The following SPTBN1 variants were observed in gnomAD, a reference collection of about 807,000 sequenced individuals.
SPTBN1 encodes the protein spectrin beta, non-erythrocytic 1.
Under a neutral mutation model 266.4 loss-of-function variants are expected in SPTBN1, and 32 were observed. The observed-to-expected ratio is 0.12, with a 90% CI of 0.09 to 0.16. SPTBN1 has a LOEUF of 0.16. SPTBN1 is among the 10% of genes least tolerant of loss of function. SPTBN1 has a pLI of 1.00. For missense variants in SPTBN1, 2,296 were observed against 3,067.1 expected, an observed-to-expected ratio of 0.75 and a Z score of 5.94; for synonymous variants, 1,336 against 1,162.2, an observed-to-expected ratio of 1.15 and a Z score of -3.04.
At chr2:54,656,122 G>A (rs913476805) in intron 29 of SPTBN1, 124 bp downstream of exon 29, 1 of 758,452 alleles carries the variant, frequency 1.3e-6, no homozygotes, top group Non-Finnish European at 2.1e-6. Flanking sequence ...TGCCTTTTTA[G>A]TGCCCCGTTT....
chr2:54,640,970 C>T (rs1293174826), intron 18 of SPTBN1, among the ~76,000 whole-genome samples: 6 of 152,172 alleles, frequency 3.9e-5, no homozygotes, highest in Admixed American at 3.9e-4. Context: ...TTTTATTTTT[C>T]CAGGAAGGCA....
chr2:54,650,779 A>G (rs114959632), intron 26 of SPTBN1, among the ~76,000 whole-genome samples: 123 of 152,380 alleles, frequency 8.1e-4, no homozygotes, highest in African/African-American at 2.9e-3. Context: ...TAAAGCAGCC[A>G]TAGACAGTGA....
At chr2:54,478,372 G>A (rs1667945091) in intron 1 of SPTBN1, among the ~76,000 whole-genome samples, 1 of 152,142 alleles carries the variant, frequency 6.6e-6, no homozygotes, top group East Asian at 1.9e-4. Context: ...TGGGTCCCCT[G>A]ATGGGCCACC....
chr2:54,485,335 C>T (rs1157286749), intron 1 of SPTBN1, among the ~76,000 whole-genome samples: 1 of 151,944 alleles, frequency 6.6e-6, no homozygotes, highest in East Asian at 1.9e-4. Flanking sequence ...CAATTGCAGG[C>T]ACGCGCCGCC....
chr2:54,653,910 A>C lies in SPTBN1; in HGVS notation c.5822+57A>C. 1.9e-6 allele frequency: 3 copies of C among 1,579,154 alleles called. No individual in the cohort carries two copies. Among genetic ancestry groups the C allele is most frequent in the Admixed American group, 2.1e-5 (1 of 47,910 alleles). ...TATTGGCGCTTGGTTAAAACACAGG[A>C]GTCTTCCAGAGAGAAGCAGGAGCCT... On this transcript the variant is annotated intron_variant, in intron 27 of 35. Transcript: ENST00000356805. The surrounding 1 kb of genome is among the most constrained non-coding windows in gnomAD (Gnocchi z 5.1).
chr2:54,518,454 T>TAAAAA (rs66586310), intron 1 of SPTBN1, among the ~76,000 whole-genome samples: 1 of 143,710 alleles, frequency 7.0e-6, no homozygotes, highest in African/African-American at 2.6e-5. Flanking sequence ...AAAGTATAAT[T>TAAAAA]AAAAAAAAAA....
intron 2 of SPTBN1, among the ~76,000 whole-genome samples, chr2:54,571,617 G>T (rs1674092747): frequency 6.7e-6 from 1 of 150,214 alleles, no homozygotes; most frequent in African/African-American, 2.5e-5. Flanking sequence ...ATAAATAAAG[G>T]GCTTCTGGAA....
Position 54,649,481 on chromosome 2 carries a change from T to A in SPTBN1, c.5203-134T>A. On this transcript the variant is annotated intron_variant, in intron 25 of 35. Coordinates refer to ENST00000356805, the MANE Select transcript of SPTBN1 (RefSeq NM_003128.3). This position sits in a 1 kb window ranked among gnomAD's most constrained non-coding sequence, Gnocchi z 6.7. ...GCTAAGAGGTTCTCGAGCTAAGATCTATTGTTCTGAAGTCATGAGTATTAT... is the reference window on the plus strand; with the variant it reads ...GCTAAGAGGTTCTCGAGCTAAGATCAATTGTTCTGAAGTCATGAGTATTAT... 1 of 1,366,370 alleles carries A rather than the reference T, an allele frequency of 7.3e-7. No homozygotes were observed. The highest frequency in any genetic ancestry group is 1.5e-5 in the South Asian group (1 of 65,056). 84.6% of individuals were successfully genotyped at this position (1,366,370 alleles called of 1,614,324 possible). A position where few individuals can be genotyped will look rare whatever the true frequency, so the allele number is the denominator to read the frequency against.
intron 3 of SPTBN1, among the ~76,000 whole-genome samples, chr2:54,605,424 A>G (rs1357131873): frequency 6.6e-6 from 1 of 152,222 alleles, no homozygotes; most frequent in Non-Finnish European, 1.5e-5. Flanking sequence ...CATGTATAAA[A>G]TGACAGGAAT....
In SPTBN1 at chr2:54,631,308, G is replaced by A. The variant is rs568530945; in HGVS notation, c.3261G>A (p.Ser1087=). The change falls in exon 16 of 36, where the codon TCG becomes TCA. Residue 1087 remains serine, a synonymous_variant. Coordinates refer to ENST00000356805, the MANE Select transcript of SPTBN1 (RefSeq NM_003128.3). ...WLSRTQTAIA[S]EDMPNTLTEA... is the part of the protein sequence containing the mutation. ...CTAGGACCCAGACAGCGATCGCCTC[G>A]GAGGACATGCCAAACACCCTGACCG... The A allele has an allele frequency of 1.2e-5, 19 of 1,614,238 alleles. No individual in the cohort carries two copies. The highest frequency in any genetic ancestry group is 1.5e-5 in the Non-Finnish European group (18 of 1,180,040).
intron 1 of SPTBN1, among the ~76,000 whole-genome samples, chr2:54,495,189 G>C (rs1444053932): frequency 2.0e-5 from 3 of 152,148 alleles, no homozygotes; most frequent in African/African-American, 4.8e-5. Context: ...GGCAGAGGTT[G>C]GTCTGGAGGA....
intron 2 of SPTBN1, among the ~76,000 whole-genome samples, chr2:54,545,043 T>C (rs113373710): frequency 0.02 from 2,975 of 152,284 alleles, 103 homozygotes; most frequent in African/African-American, 0.065. Context: ...TTTCTGTCCT[T>C]GTGATAGTTT....
chr2:54,606,315 C>G (rs1255816788), intron 3 of SPTBN1, among the ~76,000 whole-genome samples: 1 of 152,208 alleles, frequency 6.6e-6, no homozygotes, highest in Non-Finnish European at 1.5e-5. Context: ...CGCCTCCACC[C>G]TCTTGGAGGG....
At chr2:54,487,634 T>G (rs1367925901) in intron 1 of SPTBN1, among the ~76,000 whole-genome samples, 1 of 152,120 alleles carries the variant, frequency 6.6e-6, no homozygotes, top group Non-Finnish European at 1.5e-5. Context: ...TTAATGTCAG[T>G]CTACCCACTA....
intron 15 of SPTBN1, among the ~76,000 whole-genome samples, chr2:54,630,367 C>G (rs1022354230): frequency 6.6e-6 from 1 of 152,218 alleles, no homozygotes; most frequent in Non-Finnish European, 1.5e-5. Flanking sequence ...GAACAGGACT[C>G]TAGCATGTTT....
intron 7 of SPTBN1, among the ~76,000 whole-genome samples, chr2:54,619,660 T>C (rs1434173888): frequency 6.6e-6 from 1 of 151,106 alleles, no homozygotes; most frequent in African/African-American, 2.4e-5. Flanking sequence ...TTCTCACTTC[T>C]TTGAGTTTTG....
Position 54,599,014 on chromosome 2 carries a change from T to C in SPTBN1, c.149-78T>C. On this transcript the variant is annotated intron_variant, in intron 2 of 35. Transcript: ENST00000356805. ...TTTGCTGACCTTCCTCTGGCTGGGGTCTTGTGGCCCTGCTAGCATGTGCCT... is the reference window on the plus strand; with the variant it reads ...TTTGCTGACCTTCCTCTGGCTGGGGCCTTGTGGCCCTGCTAGCATGTGCCT... 3 of 1,539,550 alleles carry C rather than the reference T, an allele frequency of 1.9e-6. No individual in the cohort carries two copies. In the South Asian group the frequency reaches 3.7e-5, roughly 19 times the overall value.
rs200738185 is a variant in SPTBN1, at chr2:54,655,158, A to G, written c.5911A>G (p.Ile1971Val). The part of the protein sequence containing the change: ...DARNDSFTTC[I>V]ELGKSLLARK... ...ACGTAATGACAGTTTCACAACCTGCATTGAACTTGGGAAATCCCTGTTGGC... is the reference window on the plus strand; with the variant it reads ...ACGTAATGACAGTTTCACAACCTGCGTTGAACTTGGGAAATCCCTGTTGGC... Residue 1971 changes from isoleucine to valine, a missense_variant, in exon 28 of 36, where the codon ATT (isoleucine) becomes GTT (valine). This residue lies in a region of SPTBN1 where 644 missense variants were observed against 745.3 expected (regional missense o/e 0.86). Coordinates refer to ENST00000356805, the MANE Select transcript of SPTBN1 (RefSeq NM_003128.3). The G allele has an allele frequency of 4.3e-5, 70 of 1,614,106 alleles. No individual in the cohort carries two copies. Among genetic ancestry groups the G allele is most frequent in the Non-Finnish European group, 5.4e-5 (64 of 1,180,036 alleles).
intron 4 of SPTBN1, among the ~76,000 whole-genome samples, chr2:54,615,799 A>G (rs1431147786): frequency 6.6e-6 from 1 of 152,366 alleles, no homozygotes; most frequent in East Asian, 1.9e-4. Flanking sequence ...TGGTGCACAC[A>G]GTGCCCTCAT....
Sources: gnomAD v4.1 joint callset for allele counts (sites outside exome capture counted in the v4.1 genomes callset) on GRCh38, gnomAD v4.1.1 for gene constraint, gnomAD v4.1.1 regional missense constraint, Gnocchi (gnomAD v3.1) non-coding constraint, MANE v1.5 for transcripts, NCBI Gene and HGNC (gene_info 2026-07-23, HGNC 2026-07-21) for gene names.